Variants in RYR2 observed in about 807,000 individuals in gnomAD.
RYR2 encodes ryanodine receptor 2.
A neutral mutation model predicts 601.1 loss-of-function variants in RYR2; 227 were observed. That is an observed-to-expected ratio of 0.38 (90% CI 0.34 to 0.42). The LOEUF (loss-of-function observed/expected upper bound fraction) is 0.42, where lower values mean the gene tolerates loss of function less well. RYR2 is among the 10% of genes least tolerant of loss of function. The pLI, the probability that RYR2 is intolerant of heterozygous loss-of-function variation, is 1.00. For synonymous variants in RYR2, 2,223 were observed against 2,175.1 expected (o/e 1.02, Z -0.61); for missense variants, 4,646 against 6,156.5 (o/e 0.75, Z 8.21).
At chr1:237,382,694 A>G (rs976025028) in intron 8 of RYR2, among the ~76,000 whole-genome samples, 1 of 152,114 alleles carries the variant, frequency 6.6e-6, no homozygotes, top group South Asian at 2.1e-4. Flanking sequence ...AAAAATATAG[A>G]TAATTATTGA....
chr1:237,538,251 C>T (rs992032831), intron 25 of RYR2, among the ~76,000 whole-genome samples: 1 of 150,104 alleles, frequency 6.7e-6, no homozygotes, highest in African/African-American at 2.5e-5. Flanking sequence ...AAAAATTAGC[C>T]AGGCATGGTG....
intron 17 of RYR2, among the ~76,000 whole-genome samples, chr1:237,472,904 A>G (rs1660893146): frequency 6.6e-6 from 1 of 152,148 alleles, no homozygotes; most frequent in Non-Finnish European, 1.5e-5. Flanking sequence ...AAAACTTGTG[A>G]TAAATAGCAA....
At chr1:237,356,262 A>C (rs1457874974) in intron 4 of RYR2, among the ~76,000 whole-genome samples, 1 of 152,048 alleles carries the variant, frequency 6.6e-6, no homozygotes, top group Non-Finnish European at 1.5e-5. Flanking sequence ...GCTTCTGGCC[A>C]ACAGAAAGGT....
chr1:237,177,485 T>TA, intron 1 of RYR2, among the ~76,000 whole-genome samples: 1 of 152,322 alleles, frequency 6.6e-6, no homozygotes, highest in Non-Finnish European at 1.5e-5. Flanking sequence ...TCCTATTTTT[T>TA]AAAAACTGCA....
chr1:237,345,481 TAAAAAAAA>T (rs898741264), intron 3 of RYR2, among the ~76,000 whole-genome samples: 2 of 144,842 alleles, frequency 1.4e-5, no homozygotes, highest in Admixed American at 6.8e-5. Flanking sequence ...AAATAAAAAA[TAAAAAAAA>T]ATATATATAT....
intron 3 of RYR2, among the ~76,000 whole-genome samples, chr1:237,350,716 G>GT (rs1381560328): frequency 7.0e-6 from 1 of 143,814 alleles, no homozygotes; most frequent in Non-Finnish European, 1.5e-5. Context: ...AAAAAAGTCA[G>GT]TTTATAAGAA....
In RYR2 at chr1:237,469,021, T is replaced by C; in HGVS notation, c.1613-71T>C. 5 of 1,227,432 alleles carry C rather than the reference T, an allele frequency of 4.1e-6. No homozygotes were observed. The South Asian group carries it at 6.2e-5, about 15-fold the overall frequency. 76.0% of individuals were successfully genotyped at this position (1,227,432 alleles called of 1,614,324 possible). Reference sequence around the variant, plus strand: ...TGTTCTTGATCCAATATTTTAGGGCTGCATATTAGCTTATCTCAATTTTCG... The same window carrying C: ...TGTTCTTGATCCAATATTTTAGGGCCGCATATTAGCTTATCTCAATTTTCG... On this transcript the variant is annotated intron_variant, in intron 16 of 104. Transcript: ENST00000366574.
intron 27 of RYR2, among the ~76,000 whole-genome samples, chr1:237,553,728 A>C (rs1168270623): frequency 6.8e-6 from 1 of 147,890 alleles, no homozygotes; most frequent in Non-Finnish European, 1.5e-5. Context: ...ATTGCTTTGC[A>C]GTTTTCAGAC....
chr1:237,689,354 C>A (rs528258225), intron 63 of RYR2, among the ~76,000 whole-genome samples: 1 of 152,162 alleles, frequency 6.6e-6, no homozygotes, highest in African/African-American at 2.4e-5. Context: ...AGACATAGAA[C>A]GTTTCCAACA....
intron 11 of RYR2, among the ~76,000 whole-genome samples, chr1:237,421,111 C>T (rs977402573): frequency 6.6e-6 from 1 of 152,080 alleles, no homozygotes; most frequent in Non-Finnish European, 1.5e-5. Context: ...CGGTGGCTGG[C>T]GCCTATAGTC....
At chr1:237,285,320 T>C (rs1691437804) in intron 2 of RYR2, among the ~76,000 whole-genome samples, 1 of 152,224 alleles carries the variant, frequency 6.6e-6, no homozygotes, top group Non-Finnish European at 1.5e-5. Context: ...GTTTATATGG[T>C]ATATCACATT....
intron 29 of RYR2, among the ~76,000 whole-genome samples, chr1:237,586,461 T>G (rs1262794204): frequency 6.6e-6 from 1 of 152,226 alleles, no homozygotes; most frequent in Non-Finnish European, 1.5e-5. Context: ...TTACAGAAGA[T>G]AGGATTAAAG....
chr1:237,061,103 A>G (rs1040632065), intron 1 of RYR2, among the ~76,000 whole-genome samples: 1 of 152,088 alleles, frequency 6.6e-6, no homozygotes, highest in Non-Finnish European at 1.5e-5. Context: ...TTCACTGACA[A>G]CTCATGATGG....
chr1:237,463,595 C>A (rs1443408569), intron 16 of RYR2, among the ~76,000 whole-genome samples: 2 of 152,082 alleles, frequency 1.3e-5, no homozygotes, highest in Non-Finnish European at 2.9e-5. Flanking sequence ...AATCTCATAA[C>A]TTTGGGAGGC....
intron 21 of RYR2, among the ~76,000 whole-genome samples, chr1:237,502,833 TA>T (rs772650724): frequency 1.9e-3 from 254 of 136,936 alleles, no homozygotes; most frequent in Non-Finnish European, 1.6e-3. Context: ...AAAAAGAATC[TA>T]AAAAAAAAAA....
At chr1:237,753,858 T>G (rs1379672046) in intron 80 of RYR2, among the ~76,000 whole-genome samples, 1 of 152,072 alleles carries the variant, frequency 6.6e-6, no homozygotes, top group Non-Finnish European at 1.5e-5. Flanking sequence ...AATCTGCAGT[T>G]TAAAAAATTG....
intron 12 of RYR2, among the ~76,000 whole-genome samples, chr1:237,440,895 G>T (rs1196574276): frequency 6.6e-6 from 1 of 151,750 alleles, no homozygotes; most frequent in Non-Finnish European, 1.5e-5. Flanking sequence ...AGGCTTAAAA[G>T]GTTTAATTAA....
chr1:237,187,404 G>A (rs1679475132), intron 1 of RYR2, among the ~76,000 whole-genome samples: 1 of 142,832 alleles, frequency 7.0e-6, no homozygotes, highest in South Asian at 2.2e-4. Context: ...GCCTCCCAAA[G>A]TGCTGGAATT....
At chr1:237,438,753 GGGCAC>G (rs1572334238) in intron 12 of RYR2, among the ~76,000 whole-genome samples, 1 of 152,200 alleles carries the variant, frequency 6.6e-6, no homozygotes, top group Non-Finnish European at 1.5e-5. Context: ...CAGACAGATT[GGGCAC>G]TGCATGCCCC....
Sources: allele counts gnomAD v4.1 joint callset (sites outside exome capture counted in the v4.1 genomes callset), GRCh38; gene constraint gnomAD v4.1.1; transcripts MANE v1.5; gene names NCBI Gene and HGNC (gene_info 2026-07-23, HGNC 2026-07-21).